Variants in PRCP observed in about 807,000 individuals in gnomAD.
The protein encoded by PRCP is lysosomal Pro-X carboxypeptidase.
In PRCP, 46 loss-of-function variants were observed where a neutral mutation model predicts 54.2. That is an observed-to-expected ratio of 0.85 (90% CI 0.67 to 1.09). The LOEUF (loss-of-function observed/expected upper bound fraction) is 1.09. Ranked by LOEUF, PRCP falls within the 50% of genes least tolerant of loss-of-function variation. The pLI is 0.00. For missense variants in PRCP, 613 were observed against 596.8 expected (o/e 1.03, Z -0.28); for synonymous variants, 240 against 212.2 (o/e 1.13, Z -1.14).
At chr11:82,854,393 T>C (rs1591051362) in intron 2 of PRCP, among the ~76,000 whole-genome samples, 1 of 151,882 alleles carries the variant, frequency 6.6e-6, no homozygotes. Context: ...AAAAACACAA[T>C]CCCATTTACA....
chr11:82,855,426 G>A (rs2121161283), intron 2 of PRCP, among the ~76,000 whole-genome samples: 1 of 152,126 alleles, frequency 6.6e-6, no homozygotes, highest in East Asian at 1.9e-4. Context: ...AGACCATCCT[G>A]GCTAACACGG....
chr11:82,873,089 G>T, intron 1 of PRCP, among the ~76,000 whole-genome samples: 1 of 133,274 alleles, frequency 7.5e-6, no homozygotes. Context: ...TAAAAAAAAA[G>T]AAAGTAAGAA....
intron 1 of PRCP, among the ~76,000 whole-genome samples, chr11:82,862,294 A>C (rs1251952047): frequency 1.3e-5 from 2 of 152,200 alleles, no homozygotes; most frequent in Admixed American, 6.5e-5. Flanking sequence ...ACTATTTAAA[A>C]TGTAATTATC....
In PRCP at chr11:82,851,687, T is replaced by C. The variant is rs76250790; in HGVS notation, c.412-1182A>G. 2.4e-4 allele frequency among the ~76,000 whole-genome samples: 36 copies of C among 152,098 alleles called. No individual in the cohort carries two copies. The East Asian group carries it at 6.4e-3, about 27-fold the overall frequency. On this transcript the variant is annotated intron_variant, in intron 3 of 8. Transcript: ENST00000313010. ...CATAAGGTTTGAAGTACATCTTTAC[T>C]AGACAACGAATACAGCTACATACCT... is the stretch of plus-strand genomic sequence containing the variant.
chr11:82,863,338 T>C (rs928896847), intron 1 of PRCP, among the ~76,000 whole-genome samples: 2 of 152,180 alleles, frequency 1.3e-5, no homozygotes, highest in Middle Eastern at 3.2e-3. Context: ...GTCTAAAGAT[T>C]TGAATTACCA....
At chr11:82,834,328 A>C (rs747323166) in intron 8 of PRCP, among the ~76,000 whole-genome samples, 2 of 152,210 alleles carry the variant, frequency 1.3e-5, no homozygotes, top group Non-Finnish European at 2.9e-5. Flanking sequence ...CAGTTCTTTC[A>C]AGTTTTCCTA....
At chr11:82,825,379 T>C (rs1453603076) in intron 8 of PRCP, 1 of 395,188 alleles carries the variant, frequency 2.5e-6, no homozygotes, top group Non-Finnish European at 4.6e-6. Flanking sequence ...TAGACTGTAC[T>C]GGGATATGAA....
chr11:82,875,223 A>C (rs903603577), intron 1 of PRCP, among the ~76,000 whole-genome samples: 3 of 152,302 alleles, frequency 2.0e-5, no homozygotes, highest in South Asian at 4.1e-4. Flanking sequence ...CTTTCTGGCT[A>C]ATCTCTGTAT....
At chr11:82,830,710 A>G (rs550473690) in intron 8 of PRCP, 1 of 151,222 alleles carries the variant, frequency 6.6e-6, no homozygotes, top group South Asian at 2.1e-4. Flanking sequence ...AGGAACACTC[A>G]TGTAAAATAG....
At chr11:82,861,058 C>G (rs758943367) in intron 1 of PRCP, among the ~76,000 whole-genome samples, 12 of 152,076 alleles carry the variant, frequency 7.9e-5, no homozygotes, top group Non-Finnish European at 1.2e-4. Flanking sequence ...TTGAAACATT[C>G]AATTCATGAA....
intron 6 of PRCP, chr11:82,846,086 C>A (rs879748443): frequency 5.3e-5 from 8 of 152,094 alleles, no homozygotes; most frequent in Non-Finnish European, 1.2e-4. Context: ...TTTTTCATAA[C>A]CTAACTGTTA....
At chr11:82,900,132 A>T (rs112631750) in intron 1 of PRCP, 103 bp downstream of exon 1, 23 of 1,427,822 alleles carry the variant, frequency 1.6e-5, no homozygotes, top group African/African-American at 1.4e-4. Context: ...GATCCTAGGC[A>T]TCAAGGGGTG....
chr11:82,892,611 T>C (rs112125608), intron 1 of PRCP, among the ~76,000 whole-genome samples: 2,064 of 152,318 alleles, frequency 0.014, 39 homozygotes, highest in African/African-American at 0.047. Flanking sequence ...ACAATTATTT[T>C]TAATTACTGA....
intron 2 of PRCP, among the ~76,000 whole-genome samples, chr11:82,856,664 A>G (rs1344582889): frequency 2.0e-5 from 3 of 147,200 alleles, no homozygotes; most frequent in Admixed American, 6.7e-5. Flanking sequence ...AAACCTGCAC[A>G]TGTACCCCCT....
intron 1 of PRCP, among the ~76,000 whole-genome samples, chr11:82,891,747 C>T (rs1245372705): frequency 1.3e-5 from 2 of 152,160 alleles, no homozygotes; most frequent in Non-Finnish European, 2.9e-5. Flanking sequence ...AATGCTCTTT[C>T]CCCAGTGCCT....
chr11:82,872,842 T>TG (rs1859510226), intron 1 of PRCP, among the ~76,000 whole-genome samples: 1 of 152,046 alleles, frequency 6.6e-6, no homozygotes, highest in African/African-American at 2.4e-5. Flanking sequence ...AACCGAAGCC[T>TG]GAAGGAGCCA....
chr11:82,833,278 A>T (rs925072235), intron 8 of PRCP, among the ~76,000 whole-genome samples: 1 of 152,220 alleles, frequency 6.6e-6, no homozygotes, highest in African/African-American at 2.4e-5. Flanking sequence ...CGGTATTTAC[A>T]GGTGCTAGTA....
chr11:82,832,474 A>G (rs757853056), intron 8 of PRCP, among the ~76,000 whole-genome samples: 3 of 152,086 alleles, frequency 2.0e-5, no homozygotes, highest in Non-Finnish European at 4.4e-5. Context: ...GCTTTTTTTC[A>G]TAAGTTTGTT....
intron 1 of PRCP, among the ~76,000 whole-genome samples, chr11:82,869,583 A>G (rs1859429681): frequency 6.6e-6 from 1 of 152,222 alleles, no homozygotes; most frequent in South Asian, 2.1e-4. Flanking sequence ...AATAGACTCA[A>G]ATAGGCAGGG....
Sources: allele counts gnomAD v4.1 joint callset (sites outside exome capture counted in the v4.1 genomes callset), GRCh38; gene constraint gnomAD v4.1.1; transcripts MANE v1.5; gene names NCBI Gene and HGNC (gene_info 2026-07-23, HGNC 2026-07-21).